Variants in ATIC observed in about 807,000 individuals in gnomAD.
The protein encoded by ATIC is bifunctional purine biosynthesis protein ATIC.
In ATIC, 64 loss-of-function variants were observed where a neutral mutation model predicts 72.5. That is an observed-to-expected ratio of 0.88 (90% CI 0.72 to 1.09). ATIC has a LOEUF of 1.09. ATIC is among the 50% of genes least tolerant of loss of function. The probability of loss-of-function intolerance (pLI) is 0.00; values close to 1 mark genes in which losing one functional copy is unlikely to be tolerated. For missense variants in ATIC, 787 were observed against 732.4 expected (o/e 1.07, Z -0.86); for synonymous variants, 281 against 267.1 (o/e 1.05, Z -0.51).
At chr2:215,313,713 G>A (rs1195814911) in intron 2 of ATIC, among the ~76,000 whole-genome samples, 2 of 152,182 alleles carry the variant, frequency 1.3e-5, no homozygotes, top group African/African-American at 4.8e-5. Context: ...AGCTATGTGA[G>A]CAGTACACAG....
chr2:215,323,714 T>A (rs940451627), intron 4 of ATIC, among the ~76,000 whole-genome samples: 1 of 152,218 alleles, frequency 6.6e-6, no homozygotes, highest in Non-Finnish European at 1.5e-5. Flanking sequence ...CTTTGCTAAT[T>A]GCTCTGGCTA....
chr2:215,325,762 C>T (rs1338163061), intron 5 of ATIC, among the ~76,000 whole-genome samples: 2 of 151,960 alleles, frequency 1.3e-5, no homozygotes, highest in African/African-American at 2.4e-5. Context: ...GATGGAATTT[C>T]GCCATGTTGG....
intron 4 of ATIC, among the ~76,000 whole-genome samples, chr2:215,322,533 T>C (rs150675203): frequency 1.3e-5 from 2 of 151,932 alleles, no homozygotes; most frequent in Non-Finnish European, 1.5e-5. Context: ...GGTTTCTCCA[T>C]GTTGGCCAGG....
intron 10 of ATIC, 95 bp downstream of exon 10, chr2:215,335,099 TATA>T (rs1426361203): frequency 6.0e-6 from 4 of 661,716 alleles, no homozygotes; most frequent in Admixed American, 3.6e-5. Context: ...TATTTATATT[TATA>T]ATATCTTTTA....
chr2:215,326,228 T>C, intron 6 of ATIC, 90 bp downstream of exon 6: 1 of 1,481,682 alleles, frequency 6.7e-7, no homozygotes, highest in Non-Finnish European at 9.4e-7. Context: ...GTAGATTGCA[T>C]TACCTACCAA....
At chr2:215,348,269 G>T (rs1026481843) in intron 14 of ATIC, among the ~76,000 whole-genome samples, 1 of 152,122 alleles carries the variant, frequency 6.6e-6, no homozygotes, top group Non-Finnish European at 1.5e-5. Context: ...AATAATTTTT[G>T]TATAAATGTA....
intron 4 of ATIC, among the ~76,000 whole-genome samples, chr2:215,322,039 T>A (rs1362961804): frequency 6.6e-6 from 1 of 151,824 alleles, no homozygotes; most frequent in Non-Finnish European, 1.5e-5. Flanking sequence ...TAGCTGGGGT[T>A]ACAGGTGCCC....
chr2:215,365,670 T>C, the ATIC span: 1 of 1,610,270 alleles, frequency 6.2e-7, no homozygotes. Flanking sequence ...AAGTTATTTG[T>C]ATATTCTGAC....
intron 11 of ATIC, among the ~76,000 whole-genome samples, chr2:215,337,374 C>T (rs2052967730): frequency 6.6e-6 from 1 of 152,024 alleles, no homozygotes; most frequent in African/African-American, 2.4e-5. Context: ...AAAGTTAATA[C>T]TTATTTTTTT....
intron 11 of ATIC, 120 bp from the exon 12 acceptor site, chr2:215,338,659 G>A: frequency 9.2e-7 from 1 of 1,082,496 alleles, no homozygotes; most frequent in East Asian, 2.8e-5. Flanking sequence ...TTAGAAAACT[G>A]TAAAAAATTA....
At chr2:215,359,670 C>T in the ATIC span, among the ~76,000 whole-genome samples, 1 of 152,074 alleles carries the variant, frequency 6.6e-6, no homozygotes, top group African/African-American at 2.4e-5. Flanking sequence ...AAAACCTCCC[C>T]TAAATGAGAT....
the ATIC span, among the ~76,000 whole-genome samples, chr2:215,366,401 G>T: frequency 2.6e-5 from 4 of 152,158 alleles, no homozygotes; most frequent in Non-Finnish European, 4.4e-5. Context: ...AGGATCAGCT[G>T]ATCTCTACAC....
In ATIC at chr2:215,325,289, A is replaced by C. The variant is rs1322360018; in HGVS notation, c.339A>C (p.Pro113=). ...CCTTTGTAAAGACAGTGGCTTCTCC[A>C]GGTGTAACTGTTGAGGAGGCTGTGG... ...LYPFVKTVAS[P]GVTVEEAVEQ... Residue 113 remains proline (P), a synonymous_variant, in exon 5 of 16, where the codon CCA becomes CCC. Coordinates refer to ENST00000236959, the MANE Select transcript of ATIC (RefSeq NM_004044.7). The C allele has an allele frequency of 6.2e-7, 1 of 1,613,934 alleles. No individual in the cohort carries two copies.
At position 215,346,883 on chromosome 2, in the gene ATIC, T is replaced by A; in HGVS notation, c.1445T>A (p.Val482Glu). Residue 482 changes from valine to glutamate, a missense_variant, in exon 14 of 16, where the codon GTG becomes GAG. Transcript: ENST00000236959. The part of the protein sequence containing the change: ...QVLSMKFKTG[V>E]KRAEISNAID... ...CTTTCGATGAAGTTTAAAACAGGAG[T>A]GAAGAGAGCAGAAATCTCCAATGCC... is the stretch of plus-strand genomic sequence containing the variant. The A allele has an allele frequency of 1.2e-6, 2 of 1,613,946 alleles. No homozygotes were observed. Among genetic ancestry groups the A allele is most frequent in the Non-Finnish European group, 1.7e-6 (2 of 1,180,010 alleles).
chr2:215,359,967 CTT>C, the ATIC span, among the ~76,000 whole-genome samples: 1 of 152,040 alleles, frequency 6.6e-6, no homozygotes, highest in Non-Finnish European at 1.5e-5. Context: ...GGGATGGAGT[CTT>C]GCTCTGTCCC....
chr2:215,319,340 G>A lies in ATIC; in HGVS notation c.224-325G>A, dbSNP rs1489799421. 2.6e-5 allele frequency among the ~76,000 whole-genome samples: 4 copies of A among 152,094 alleles called. No individual in the cohort carries two copies. In the East Asian group the frequency reaches 7.7e-4, roughly 29 times the overall value. ...GAACCGCTTGAGCCCAGGAGTTTAA[G>A]ATCACCCTGGGCAAGATGGCAACAC... On this transcript the variant is annotated intron_variant, in intron 3 of 15. Coordinates refer to ENST00000236959, the MANE Select transcript of ATIC (RefSeq NM_004044.7).
At chr2:215,351,552 C>A (rs773129073), downstream of ATIC, among the ~76,000 whole-genome samples, 2 of 152,066 alleles carry the variant, frequency 1.3e-5, no homozygotes, top group African/African-American at 4.8e-5. Context: ...AGTTCAAGAC[C>A]AGCCTGGGCA....
intron 12 of ATIC, among the ~76,000 whole-genome samples, chr2:215,340,779 C>T (rs1402459935): frequency 3.9e-5 from 6 of 152,108 alleles, no homozygotes; most frequent in Admixed American, 3.9e-4. Flanking sequence ...GTCCCTTAGT[C>T]CTCTAAGACT....
the ATIC span, chr2:215,361,651 A>G: frequency 8.8e-5 from 138 of 1,560,750 alleles, no homozygotes; most frequent in East Asian, 2.4e-3. Flanking sequence ...GAAGGAAAAA[A>G]AAATTAGTGG....
Sources: gnomAD v4.1 joint callset for allele counts (sites outside exome capture counted in the v4.1 genomes callset) on GRCh38, gnomAD v4.1.1 for gene constraint, MANE v1.5 for transcripts, NCBI Gene and HGNC (gene_info 2026-07-23, HGNC 2026-07-21) for gene names.